Variants in FAM107B observed in about 807,000 individuals in gnomAD.
The protein encoded by FAM107B is protein FAM107B.
In FAM107B, 21 loss-of-function variants were observed where a neutral mutation model predicts 31.5. That is an observed-to-expected ratio of 0.67 (90% CI 0.47 to 0.96). The LOEUF (loss-of-function observed/expected upper bound fraction) is 0.96, where lower values mean the gene tolerates loss of function less well. Among genes scored for constraint, FAM107B ranks in the 40% least tolerant of loss-of-function variants. FAM107B has a pLI of 0.00. For synonymous variants in FAM107B, 157 were observed against 141.5 expected (o/e 1.11, Z -0.78); for missense variants, 452 against 377.1 (o/e 1.20, Z -1.64).
At chr10:14,597,933 G>T (rs910144233) in intron 2 of FAM107B, among the ~76,000 whole-genome samples, 2 of 152,154 alleles carry the variant, frequency 1.3e-5, no homozygotes, top group African/African-American at 4.8e-5. Flanking sequence ...CTGGGTGACA[G>T]AGTGAGACTC....
At chr10:14,692,849 T>G (rs1855174172) in intron 1 of FAM107B, among the ~76,000 whole-genome samples, 1 of 152,136 alleles carries the variant, frequency 6.6e-6, no homozygotes, top group South Asian at 2.1e-4. Flanking sequence ...ATGTGCCACG[T>G]GAGAATAAAA....
At chr10:14,632,997 G>T (rs992349832) in intron 2 of FAM107B, among the ~76,000 whole-genome samples, 1 of 152,068 alleles carries the variant, frequency 6.6e-6, no homozygotes, top group South Asian at 2.1e-4. Context: ...TCAGGAGTTC[G>T]AGACTAGCCT....
intron 1 of FAM107B, among the ~76,000 whole-genome samples, chr10:14,709,174 T>C (rs184084111): frequency 6.6e-6 from 1 of 152,318 alleles, no homozygotes; most frequent in African/African-American, 2.4e-5. Context: ...TACCATATGA[T>C]TCGCAATTGC....
At chr10:14,772,362 A>AAAAATATATAT (rs10651238) in intron 1 of FAM107B, among the ~76,000 whole-genome samples, 16 of 145,638 alleles carry the variant, frequency 1.1e-4, no homozygotes, top group African/African-American at 3.9e-4. Flanking sequence ...TTAAAAAAAA[A>AAAAATATATAT]ATATATATAT....
chr10:14,556,706 G>A (rs1849729742), intron 2 of FAM107B, among the ~76,000 whole-genome samples: 1 of 152,252 alleles, frequency 6.6e-6, no homozygotes, highest in African/African-American at 2.4e-5. Flanking sequence ...AAGATACCCA[G>A]ATAGTTTTGT....
At chr10:14,646,002 C>T (rs1174229526) in intron 2 of FAM107B, among the ~76,000 whole-genome samples, 1 of 152,138 alleles carries the variant, frequency 6.6e-6, no homozygotes, top group Non-Finnish European at 1.5e-5. Flanking sequence ...CAGCTCTCCT[C>T]CCTCCTCTCC....
intron 2 of FAM107B, among the ~76,000 whole-genome samples, chr10:14,606,855 A>C (rs1007366858): frequency 1.3e-5 from 2 of 152,220 alleles, no homozygotes; most frequent in African/African-American, 4.8e-5. Flanking sequence ...TTGATCTTGG[A>C]CTTCCAGCCT....
At chr10:14,765,846 T>C (rs1156798400) in intron 1 of FAM107B, among the ~76,000 whole-genome samples, 2 of 152,124 alleles carry the variant, frequency 1.3e-5, no homozygotes, top group Non-Finnish European at 2.9e-5. Context: ...TCTAAAGAAA[T>C]GCAGGAAAAA....
chr10:14,670,709 C>T (rs1854519524), intron 1 of FAM107B, among the ~76,000 whole-genome samples: 1 of 152,176 alleles, frequency 6.6e-6, no homozygotes, highest in Admixed American at 6.5e-5. Flanking sequence ...TTAAATAGCC[C>T]CTCCCTAAGG....
intron 2 of FAM107B, among the ~76,000 whole-genome samples, chr10:14,565,109 T>G (rs1181531780): frequency 1.3e-5 from 2 of 152,244 alleles, no homozygotes; most frequent in East Asian, 3.8e-4. Flanking sequence ...ACAAACTCTT[T>G]CATTAAAACA....
chr10:14,687,098 T>A (rs1445950601), intron 1 of FAM107B, among the ~76,000 whole-genome samples: 1 of 152,206 alleles, frequency 6.6e-6, no homozygotes. Context: ...TTTCAGGCTG[T>A]CCCCAAAACA....
Position 14,758,836 on chromosome 10 carries a change from T to C in FAM107B, c.411+15417A>G, listed in dbSNP as rs571785923. Among the ~76,000 whole-genome samples, 3 of 138,372 alleles carry C rather than the reference T, an allele frequency of 2.2e-5. No individual in the cohort carries two copies. The South Asian group carries it at 7.0e-4, about 32-fold the overall frequency. The allele number at this position is 138,372 out of a possible 152,430, so 90.8% of individuals were successfully genotyped here. ...GGCTAAAGTGAGCTAGGGTCACCACTGTACTCCAGCCTGGGCAACAAAGCA... is the reference window on the plus strand; with the variant it reads ...GGCTAAAGTGAGCTAGGGTCACCACCGTACTCCAGCCTGGGCAACAAAGCA... On this transcript the variant is annotated intron_variant, in intron 1 of 4. Transcript: ENST00000181796.
chr10:14,750,981 C>T (rs7898725), intron 1 of FAM107B, among the ~76,000 whole-genome samples: 2,243 of 152,246 alleles, frequency 0.015, 57 homozygotes, highest in African/African-American at 0.05. Flanking sequence ...CCAGCTTTTT[C>T]ACTCTTGTTC....
At chr10:14,767,103 G>GAGAGAGAC (rs1172144541) in intron 1 of FAM107B, among the ~76,000 whole-genome samples, 1,865 of 118,834 alleles carry the variant, frequency 0.016, 61 homozygotes, top group African/African-American at 0.055. Flanking sequence ...GAGAGAGACA[G>GAGAGAGAC]AGAGAGAGAG....
At chr10:14,619,079 T>C (rs528238442) in intron 2 of FAM107B, among the ~76,000 whole-genome samples, 5 of 152,142 alleles carry the variant, frequency 3.3e-5, no homozygotes, top group Non-Finnish European at 7.4e-5. Context: ...AACTCTCCTA[T>C]AACCTTCAGA....
intron 1 of FAM107B, among the ~76,000 whole-genome samples, chr10:14,726,837 G>A (rs186013303): frequency 6.6e-6 from 1 of 152,190 alleles, no homozygotes; most frequent in African/African-American, 2.4e-5. Context: ...GTGTGGGGAT[G>A]GTTTTAGGAT....
chr10:14,631,659 T>G (rs566679625), intron 2 of FAM107B, among the ~76,000 whole-genome samples: 16 of 152,272 alleles, frequency 1.1e-4, no homozygotes, highest in Non-Finnish European at 1.5e-4. Context: ...AAATGACCCC[T>G]CTTTTTTCCT....
intron 2 of FAM107B, among the ~76,000 whole-genome samples, chr10:14,603,844 G>A (rs1852487795): frequency 1.3e-5 from 2 of 151,660 alleles, no homozygotes; most frequent in Non-Finnish European, 2.9e-5. Flanking sequence ...GTCCACGCCG[G>A]GCGCCGCGGG....
chr10:14,524,273 G>A (rs755917784), intron 3 of FAM107B, among the ~76,000 whole-genome samples: 8 of 151,992 alleles, frequency 5.3e-5, no homozygotes, highest in Admixed American at 1.3e-4. Flanking sequence ...GAACTCCTGA[G>A]CTCAAGCCGT....
Sources: allele counts gnomAD v4.1 joint callset (sites outside exome capture counted in the v4.1 genomes callset), GRCh38; gene constraint gnomAD v4.1.1; transcripts MANE v1.5; gene names NCBI Gene and HGNC (gene_info 2026-07-23, HGNC 2026-07-21).